Variants in SLCO3A1 observed in about 807,000 individuals in gnomAD.
SLCO3A1 encodes the protein PGE1 transporter.
In SLCO3A1, 27 loss-of-function variants were observed where a neutral mutation model predicts 63.1. The observed-to-expected ratio is 0.43, with a 90% CI of 0.32 to 0.59. SLCO3A1 has a LOEUF of 0.59. Ranked by LOEUF, SLCO3A1 falls within the 20% of genes least tolerant of loss-of-function variation. SLCO3A1 has a pLI of 0.09. For synonymous variants in SLCO3A1, 473 were observed against 409.9 expected, an observed-to-expected ratio of 1.15 and a Z score of -1.86; for missense variants, 773 against 945.8, an observed-to-expected ratio of 0.82 and a Z score of 2.40.
rs569702892 is a variant in SLCO3A1, at chr15:91,944,449, C to G, written c.646+27991C>G. ...ATTGGGTGAACCCTCTTCTCAGTAC[C>G]AGCTTCACAGAATAGTAAGCAGCTG... On this transcript the variant is annotated intron_variant, in intron 2 of 9. Transcript: ENST00000318445. 7.9e-5 allele frequency among the ~76,000 whole-genome samples: 12 copies of G among 152,272 alleles called. No individual in the cohort carries two copies. In the South Asian group the frequency reaches 2.3e-3, roughly 29 times the overall value.
chr15:91,945,632 G>A (rs1899780591), intron 2 of SLCO3A1, among the ~76,000 whole-genome samples: 1 of 152,226 alleles, frequency 6.6e-6, no homozygotes, highest in African/African-American at 2.4e-5. Flanking sequence ...TGGAGAGTTG[G>A]AGAGGTGGCC....
At chr15:92,052,750 C>G (rs2046972663) in intron 2 of SLCO3A1, among the ~76,000 whole-genome samples, 1 of 152,170 alleles carries the variant, frequency 6.6e-6, no homozygotes, top group South Asian at 2.1e-4. Context: ...CCAGTCCACA[C>G]TGAGATGTAC....
intron 2 of SLCO3A1, among the ~76,000 whole-genome samples, chr15:92,093,848 TGG>T (rs2047506899): frequency 6.6e-6 from 1 of 152,024 alleles, no homozygotes. Flanking sequence ...TACCCTCCAC[TGG>T]GCTTAGGTTC....
In SLCO3A1 at chr15:91,862,070, G is replaced by A. The variant is rs1897061537; in HGVS notation, c.180+7982G>A. Among the ~76,000 whole-genome samples, 1 of 152,076 alleles carries A rather than the reference G, an allele frequency of 6.6e-6. No individual in the cohort carries two copies. The highest frequency in any genetic ancestry group is 1.5e-5 in the Non-Finnish European group (1 of 68,006). On this transcript the variant is annotated intron_variant, in intron 1 of 9. Coordinates refer to ENST00000318445, the MANE Select transcript of SLCO3A1 (RefSeq NM_013272.4). The surrounding 1 kb of genome is among the most constrained non-coding windows in gnomAD (Gnocchi z 4.0). Reference sequence around the variant, plus strand: ...ACTTTTCAGTACTCTCCTTTTCATGGACGTAATAGTCCAAGTGGCATTTTA... The same window carrying A: ...ACTTTTCAGTACTCTCCTTTTCATGAACGTAATAGTCCAAGTGGCATTTTA...
chr15:92,060,688 C>T (rs756519327), intron 2 of SLCO3A1, among the ~76,000 whole-genome samples: 4 of 152,052 alleles, frequency 2.6e-5, no homozygotes, highest in African/African-American at 9.6e-5. Context: ...TTAGTAGAGA[C>T]GGGGTTTCAC....
intron 1 of SLCO3A1, among the ~76,000 whole-genome samples, chr15:91,891,938 C>T (rs1359194228): frequency 2.0e-5 from 3 of 152,226 alleles, no homozygotes; most frequent in Non-Finnish European, 4.4e-5. Context: ...CAGAGACACT[C>T]TACTTAACAC....
intron 1 of SLCO3A1, among the ~76,000 whole-genome samples, chr15:91,889,664 A>G (rs2151355668): frequency 6.6e-6 from 1 of 152,388 alleles, no homozygotes; most frequent in Middle Eastern, 3.4e-3. Flanking sequence ...GAAAAGAGAC[A>G]GGCCTTGTTC....
At chr15:92,076,963 C>T (rs552452257) in intron 2 of SLCO3A1, among the ~76,000 whole-genome samples, 1 of 152,268 alleles carries the variant, frequency 6.6e-6, no homozygotes, top group South Asian at 2.1e-4. Context: ...AGATTTAATT[C>T]ACTCACAGTT....
At chr15:91,889,105 A>C in intron 1 of SLCO3A1, 8 of 1,228,974 alleles carry the variant, frequency 6.5e-6, no homozygotes, top group Non-Finnish European at 8.4e-6. Flanking sequence ...TTACAGAATA[A>C]ATATATTCCA....
In SLCO3A1 at chr15:91,894,054, A is replaced by C. The variant is rs4932584; in HGVS notation, c.181-21939A>C. ...TTCTCAGGAGGGGACGTTTGAGCTAAGACCTGCCTGGGGAGAAATCAGCCT... is the reference window on the plus strand; with the variant it reads ...TTCTCAGGAGGGGACGTTTGAGCTACGACCTGCCTGGGGAGAAATCAGCCT... On this transcript the variant is annotated intron_variant, in intron 1 of 9. Transcript: ENST00000318445. This position sits in a 1 kb window ranked among gnomAD's most constrained non-coding sequence, Gnocchi z 4.8. Among the ~76,000 whole-genome samples the C allele has an allele frequency of 0.15, 22,475 of 152,154 alleles. 1,902 individuals are homozygous for C. Among genetic ancestry groups the C allele is most frequent in the East Asian group, 0.38 (1,941 of 5,156 alleles).
intron 2 of SLCO3A1, among the ~76,000 whole-genome samples, chr15:92,087,516 A>ATTTTTTT (rs34074469): frequency 1.6e-5 from 2 of 121,762 alleles, no homozygotes; most frequent in Non-Finnish European, 3.4e-5. Context: ...ATTATCTATT[A>ATTTTTTT]TTTTTTTTTT....
At position 91,950,474 on chromosome 15, in the gene SLCO3A1, G is replaced by C. The variant is rs1414259322; in HGVS notation, c.646+34016G>C. On this transcript the variant is annotated intron_variant, in intron 2 of 9. Coordinates refer to ENST00000318445, the MANE Select transcript of SLCO3A1 (RefSeq NM_013272.4). This position sits in a 1 kb window ranked among gnomAD's most constrained non-coding sequence, Gnocchi z 4.4. Reference sequence around the variant, plus strand: ...GTGGGTTATTAGGAAGGGCAGATGAGCCCCTGCAGGGGAACGTTGTGCAGT... The same window carrying C: ...GTGGGTTATTAGGAAGGGCAGATGACCCCCTGCAGGGGAACGTTGTGCAGT... 6.6e-6 allele frequency among the ~76,000 whole-genome samples: 1 copy of C among 152,230 alleles called. No homozygotes were observed. The highest frequency in any genetic ancestry group is 1.5e-5 in the Non-Finnish European group (1 of 68,038).
intron 7 of SLCO3A1, among the ~76,000 whole-genome samples, chr15:92,132,424 C>A (rs1454596721): frequency 7.0e-6 from 1 of 143,618 alleles, no homozygotes; most frequent in Non-Finnish European, 1.6e-5. Context: ...TAATTCTTCT[C>A]ACTGCATATG....
chr15:92,078,663 G>A (rs1459261115), intron 2 of SLCO3A1, among the ~76,000 whole-genome samples: 1 of 152,104 alleles, frequency 6.6e-6, no homozygotes, highest in Non-Finnish European at 1.5e-5. Flanking sequence ...TTAGTCCTCT[G>A]CTTTGTTTTT....
At chr15:92,171,533 G>T (rs2048521442) in intron 10 of SLCO3A1, 2 of 461,980 alleles carry the variant, frequency 4.3e-6, no homozygotes, top group Non-Finnish European at 7.8e-6. Flanking sequence ...TTGGCTGTGG[G>T]GTTGGTCATG....
chr15:92,135,018 C>T (rs1384358655), intron 7 of SLCO3A1, among the ~76,000 whole-genome samples: 2 of 152,032 alleles, frequency 1.3e-5, no homozygotes, highest in Non-Finnish European at 2.9e-5. Flanking sequence ...GAGGGGGAGA[C>T]GTGGCAAGGG....
At chr15:92,159,670 G>T (rs747012672) in intron 9 of SLCO3A1, among the ~76,000 whole-genome samples, 1 of 150,716 alleles carries the variant, frequency 6.6e-6, no homozygotes, top group Non-Finnish European at 1.5e-5. Context: ...GGGGTCAAGT[G>T]ATCCTCCCAT....
At chr15:92,065,488 A>G (rs1033742584) in intron 2 of SLCO3A1, among the ~76,000 whole-genome samples, 2 of 152,202 alleles carry the variant, frequency 1.3e-5, no homozygotes, top group African/African-American at 4.8e-5. Flanking sequence ...AAAATTAAAA[A>G]TAAAATTTTT....
At chr15:91,945,181 A>G (rs1370942006) in intron 2 of SLCO3A1, among the ~76,000 whole-genome samples, 1 of 152,058 alleles carries the variant, frequency 6.6e-6, no homozygotes, top group Non-Finnish European at 1.5e-5. Context: ...GTCTCTACTA[A>G]AAATACAAAA....
Sources: gnomAD v4.1 joint callset for allele counts (sites outside exome capture counted in the v4.1 genomes callset) on GRCh38, gnomAD v4.1.1 for gene constraint, Gnocchi (gnomAD v3.1) non-coding constraint, MANE v1.5 for transcripts, NCBI Gene and HGNC (gene_info 2026-07-23, HGNC 2026-07-21) for gene names.